CYB5R3: variants seen among roughly 807,000 people sequenced by gnomAD.
CYB5R3 encodes NADH-cytochrome b5 reductase 3.
CYB5R3 carries 28 observed loss-of-function variants against 36.5 expected under a neutral mutation model. That is an observed-to-expected ratio of 0.77 (90% CI 0.57 to 1.05). The LOEUF is 1.05. Ranked by LOEUF, CYB5R3 falls within the 50% of genes least tolerant of loss-of-function variation. CYB5R3 has a pLI of 0.00. For synonymous variants in CYB5R3, 181 were observed against 159.8 expected (o/e 1.13, Z -1.00); for missense variants, 474 against 408.9 (o/e 1.16, Z -1.37).
chr22:42,636,994 T>C (rs1255863364), intron 1 of CYB5R3, 148 bp from the exon 2 acceptor site: 3 of 1,132,488 alleles, frequency 2.6e-6, no homozygotes, highest in Non-Finnish European at 3.8e-6. Context: ...AGCTTCATCA[T>C]CCATTTTGGT....
At chr22:42,646,587 G>T in intron 1 of CYB5R3, 3 of 945,588 alleles carry the variant, frequency 3.2e-6, no homozygotes, top group Non-Finnish European at 3.8e-6. Flanking sequence ...GTCCTCCCCA[G>T]GTGCCAGCTC....
At chr22:42,634,259 G>A (rs922985822) in intron 2 of CYB5R3, among the ~76,000 whole-genome samples, 5 of 151,284 alleles carry the variant, frequency 3.3e-5, no homozygotes, top group Non-Finnish European at 7.4e-5. Context: ...TACTTGGGAA[G>A]CTGAGGCAGG....
intron 2 of CYB5R3, among the ~76,000 whole-genome samples, chr22:42,634,037 T>G (rs1352130817): frequency 1.3e-5 from 2 of 152,090 alleles, no homozygotes; most frequent in Admixed American, 6.6e-5. Flanking sequence ...AAAACATGTG[T>G]GCCTGCTTAC....
intron 1 of CYB5R3, among the ~76,000 whole-genome samples, chr22:42,648,428 G>A (rs1601954888): frequency 6.6e-6 from 1 of 152,192 alleles, no homozygotes; most frequent in East Asian, 1.9e-4. Flanking sequence ...GCCTCACCAT[G>A]GTCAACTTTT....
intron 4 of CYB5R3, among the ~76,000 whole-genome samples, chr22:42,628,941 G>A (rs1928459599): frequency 6.6e-6 from 1 of 152,098 alleles, no homozygotes; most frequent in Non-Finnish European, 1.5e-5. Flanking sequence ...GTGGCTATGG[G>A]GTGTGGAGGC....
chr22:42,646,203 G>GCA (rs1253928010), intron 1 of CYB5R3, among the ~76,000 whole-genome samples: 1 of 152,070 alleles, frequency 6.6e-6, no homozygotes, highest in Non-Finnish European at 1.5e-5. Context: ...TGTGCTGCGT[G>GCA]CACACTCACA....
chr22:42,624,145 G>A (rs1928138260), intron 7 of CYB5R3, among the ~76,000 whole-genome samples: 1 of 152,230 alleles, frequency 6.6e-6, no homozygotes, highest in African/African-American at 2.4e-5. Context: ...CTGTTGTGAG[G>A]AAATGGGCTC....
chr22:42,623,967 G>A (rs775395224), intron 7 of CYB5R3, 79 bp from the exon 8 acceptor site: 155 of 1,291,840 alleles, frequency 1.2e-4, no homozygotes, highest in Non-Finnish European at 1.5e-4. Context: ...GACGCGCCTC[G>A]TCATCGCGCC....
At chr22:42,629,001 G>T (rs922820157) in intron 4 of CYB5R3, among the ~76,000 whole-genome samples, 1 of 152,106 alleles carries the variant, frequency 6.6e-6, no homozygotes, top group South Asian at 2.1e-4. Context: ...ACTGTCCTGG[G>T]CCCTGGGTGC....
intron 1 of CYB5R3, chr22:42,640,183 C>G: frequency 6.2e-7 from 1 of 1,611,582 alleles, no homozygotes; most frequent in Non-Finnish European, 8.5e-7. Flanking sequence ...GGTGTAGTAC[C>G]AAAATGCGGC....
Position 42,630,906 on chromosome 22 carries a change from CT to C in CYB5R3, c.308del (p.Lys103ArgfsTer70). On this transcript the variant is annotated frameshift_variant, in exon 4 of 9. Transcript: ENST00000352397. LOFTEE classifies it high-confidence loss of function. ...CCTTGATGACCAGGTCCACGAAGCC[CT>C]TGTCATCATCGCTGGAGATGGGTGT... ...PYTPISSDDDKGFVDLVIKVY... is the reference protein window; with the variant it reads ...PYTPISSDDDXGFVDLVIKVY... 1.2e-6 allele frequency: 2 copies of C among 1,613,858 alleles called. No homozygotes were observed. Among genetic ancestry groups the C allele is most frequent in the Non-Finnish European group, 1.7e-6 (2 of 1,179,922 alleles).
chr22:42,623,996 T>G, intron 7 of CYB5R3, 108 bp from the exon 8 acceptor site: 1 of 934,544 alleles, frequency 1.1e-6, no homozygotes, highest in Non-Finnish European at 1.7e-6. Context: ...GGCCACACGC[T>G]TGCGGAGCTT....
intron 4 of CYB5R3, 45 bp downstream of exon 4, chr22:42,630,837 C>G (rs1405423287): frequency 6.6e-7 from 1 of 1,520,978 alleles, no homozygotes; most frequent in Non-Finnish European, 9.0e-7. Flanking sequence ...GTTGCCATGG[C>G]CACCCACCCA....
At chr22:42,621,311 T>C (rs1370485880) in intron 8 of CYB5R3, among the ~76,000 whole-genome samples, 1 of 152,156 alleles carries the variant, frequency 6.6e-6, no homozygotes, top group Non-Finnish European at 1.5e-5. Context: ...CTGGAGCTCC[T>C]GGGCTCATGT....
chr22:42,638,902 C>T (rs1434325376), intron 1 of CYB5R3, among the ~76,000 whole-genome samples: 1 of 151,476 alleles, frequency 6.6e-6, no homozygotes, highest in East Asian at 1.9e-4. Context: ...GATGTGGTGG[C>T]GCATGCCTGG....
chr22:42,643,877 C>T (rs966321688), intron 1 of CYB5R3, among the ~76,000 whole-genome samples: 6 of 152,082 alleles, frequency 3.9e-5, no homozygotes, highest in African/African-American at 7.2e-5. Flanking sequence ...AGGCACACAG[C>T]GGTCAGCGCC....
intron 2 of CYB5R3, among the ~76,000 whole-genome samples, chr22:42,633,622 A>G (rs1928729614): frequency 6.6e-6 from 1 of 152,204 alleles, no homozygotes; most frequent in South Asian, 2.1e-4. Flanking sequence ...CATCTCTACT[A>G]AAAATACAAA....
In CYB5R3 at chr22:42,631,468, G is replaced by A; in HGVS notation, c.154-18C>T. ...CTGATGATCTGGAGAGAGGCCCAAAGCTGCTGAACGGTCCCCAGGGCAGAG... is the reference window on the plus strand; with the variant it reads ...CTGATGATCTGGAGAGAGGCCCAAAACTGCTGAACGGTCCCCAGGGCAGAG... On this transcript the variant is annotated intron_variant, in intron 2 of 8. Coordinates refer to ENST00000352397, the MANE Select transcript of CYB5R3 (RefSeq NM_000398.7). 1 of 1,551,424 alleles carries A rather than the reference G, an allele frequency of 6.4e-7. No individual in the cohort carries two copies. The highest frequency in any genetic ancestry group is 2.4e-5 in the East Asian group (1 of 40,922).
rs377300664 is a variant in CYB5R3 at position 42,627,598 on chromosome 22, C to T, written c.547+7G>A. Reference sequence around the variant, plus strand: ...CGCCGGACGCCTCAGTGGGGGGTTCCGTGTACCTGTCCCTCCCGCGATCAT... The same window carrying T: ...CGCCGGACGCCTCAGTGGGGGGTTCTGTGTACCTGTCCCTCCCGCGATCAT... On this transcript the variant is annotated splice_region_variant and intron_variant, in intron 6 of 8. Coordinates refer to ENST00000352397, the MANE Select transcript of CYB5R3 (RefSeq NM_000398.7). The T allele has an allele frequency of 8.6e-5, 139 of 1,613,106 alleles. No homozygotes were observed. The Middle Eastern group carries it at 9.9e-4, about 11-fold the overall frequency.
Sources: allele counts gnomAD v4.1 joint callset (sites outside exome capture counted in the v4.1 genomes callset), GRCh38; gene constraint gnomAD v4.1.1; transcripts MANE v1.5; gene names NCBI Gene and HGNC (gene_info 2026-07-23, HGNC 2026-07-21).